Variants in PTPRZ1 observed in about 807,000 individuals in gnomAD.
PTPRZ1 encodes the protein receptor-type tyrosine-protein phosphatase zeta.
A neutral mutation model predicts 214.1 loss-of-function variants in PTPRZ1; 82 were observed. The ratio of observed to expected loss-of-function variants is 0.38; its 90% confidence interval spans 0.32 to 0.46. The LOEUF is 0.46. PTPRZ1 is among the 20% of genes least tolerant of loss of function. The pLI, the probability that PTPRZ1 is intolerant of heterozygous loss-of-function variation, is 1.00. For synonymous variants in PTPRZ1, 945 were observed against 987.9 expected, an observed-to-expected ratio of 0.96 and a Z score of 0.81; for missense variants, 2,603 against 2,748.7, an observed-to-expected ratio of 0.95 and a Z score of 1.19.
chr7:121,958,234 ATG>A (rs1796771354), intron 2 of PTPRZ1, among the ~76,000 whole-genome samples: 1 of 152,202 alleles, frequency 6.6e-6, no homozygotes, highest in Non-Finnish European at 1.5e-5. Context: ...TATTCTATGA[ATG>A]TGGGGTTTGG....
Position 121,926,108 on chromosome 7 carries a change from G to T in PTPRZ1, c.59-2048G>T, listed in dbSNP as rs546374030. On this transcript the variant is annotated intron_variant, in intron 1 of 29. Transcript: ENST00000393386. ...TCACGAGGTCTGGAGTTCGAGACCA[G>T]CCTGACCAACATAGTGAAACCCCGT... Among the ~76,000 whole-genome samples the T allele has an allele frequency of 1.0e-3, 158 of 152,232 alleles. 1 individual carries two copies. The highest frequency in any genetic ancestry group is 1.9e-3 in the South Asian group (9 of 4,814).
chr7:121,984,093 G>T lies in PTPRZ1; in HGVS notation c.904G>T (p.Gly302Ter). 1 of 1,612,614 alleles carries T rather than the reference G, an allele frequency of 6.2e-7. No homozygotes were observed. Among genetic ancestry groups the T allele is most frequent in the Non-Finnish European group, 8.5e-7 (1 of 1,179,382 alleles). The change falls in exon 8 of 30, where the codon GGA becomes TGA. Residue 302 changes from glycine (G) to a stop codon, truncating the protein, a stop_gained. Coordinates refer to ENST00000393386, the MANE Select transcript of PTPRZ1 (RefSeq NM_002851.3). LOFTEE classifies it high-confidence loss of function. ...FSRQVFSSYT[G>*]KEEIHEAVCS... is the part of the protein sequence containing the mutation. ...TAGACAGGTGTTTTCCTCATACACT[G>T]GAAAGGAAGAGATTCATGAAGCAGG...
chr7:121,940,464 A>C (rs58085010), intron 2 of PTPRZ1, among the ~76,000 whole-genome samples: 10,040 of 152,068 alleles, frequency 0.066, 599 homozygotes, highest in African/African-American at 0.16. Flanking sequence ...TTCTTTTGTT[A>C]GTTTGTCTGA....
Position 122,000,646 on chromosome 7 carries a change from C to CAT in PTPRZ1, c.1240+2695_1240+2696dup, listed in dbSNP as rs60953788. ...ATTGCTGTCATTCTTTGATAGATTT[C>CAT]ATATATATATATATATATATATATA... On this transcript the variant is annotated intron_variant, in intron 10 of 29. Transcript: ENST00000393386. Among the ~76,000 whole-genome samples, 376 of 51,514 alleles carry CAT rather than the reference C, an allele frequency of 7.3e-3. 5 individuals carry two copies. Among genetic ancestry groups the CAT allele is most frequent in the Non-Finnish European group, 8.0e-3 (242 of 30,272 alleles). 33.8% of individuals were successfully genotyped at this position (51,514 alleles called of 152,430 possible). A position where few individuals can be genotyped will look rare whatever the true frequency, so the allele number is the denominator to read the frequency against.
At chr7:121,906,173 A>G (rs1795109566) in intron 1 of PTPRZ1, among the ~76,000 whole-genome samples, 1 of 152,146 alleles carries the variant, frequency 6.6e-6, no homozygotes, top group Non-Finnish European at 1.5e-5. Flanking sequence ...AAAGGTCTCT[A>G]CCTCCATTTA....
At chr7:121,946,033 G>A (rs1796362437) in intron 2 of PTPRZ1, among the ~76,000 whole-genome samples, 2 of 152,192 alleles carry the variant, frequency 1.3e-5, no homozygotes, top group Non-Finnish European at 2.9e-5. Context: ...CACCCACACT[G>A]TATATAGTAT....
In PTPRZ1 at chr7:122,013,402, G is replaced by C. The variant is rs762519725; in HGVS notation, c.4356G>C (p.Gln1452His). Residue 1452 changes from glutamine to histidine, a missense_variant, in exon 12 of 30, where the codon CAG (glutamine) becomes CAC (histidine). Transcript: ENST00000393386. ...CATGCTCATCCTATAGAGAATCACA[G>C]GAAAAGGTAATGAATGATTCAGACA... ...CMSCSSYRES[Q>H]EKVMNDSDTH... 1 of 1,614,160 alleles carries C rather than the reference G, an allele frequency of 6.2e-7. No homozygotes were observed. Among genetic ancestry groups the C allele is most frequent in the Non-Finnish European group, 8.5e-7 (1 of 1,180,038 alleles).
At chr7:122,007,298 C>A (rs1798522193) in intron 11 of PTPRZ1, among the ~76,000 whole-genome samples, 1 of 152,080 alleles carries the variant, frequency 6.6e-6, no homozygotes, top group Non-Finnish European at 1.5e-5. Flanking sequence ...AGCTCTAATT[C>A]TTTGAGCTGG....
At chr7:121,970,462 T>A (rs1797203228) in intron 3 of PTPRZ1, among the ~76,000 whole-genome samples, 1 of 152,142 alleles carries the variant, frequency 6.6e-6, no homozygotes, top group Non-Finnish European at 1.5e-5. Flanking sequence ...CTCCAGCACC[T>A]GTTGTTTCCT....
chr7:121,890,117 C>T (rs764874871), intron 1 of PTPRZ1, among the ~76,000 whole-genome samples: 1 of 152,150 alleles, frequency 6.6e-6, no homozygotes, highest in Non-Finnish European at 1.5e-5. Context: ...ATTGATAACT[C>T]CCAAATTTGT....
intron 1 of PTPRZ1, chr7:121,908,547 G>A (rs1479723364): frequency 5.9e-6 from 2 of 337,368 alleles, no homozygotes; most frequent in Non-Finnish European, 1.1e-5. Context: ...TCATACTCCA[G>A]TCTTACAGGT....
At chr7:121,972,447 T>G in intron 3 of PTPRZ1, 94 bp from the exon 4 acceptor site, 3 of 1,244,542 alleles carry the variant, frequency 2.4e-6, no homozygotes, top group Non-Finnish European at 3.3e-6. Context: ...AAATAAATGA[T>G]TTTTCTTAAT....
intron 27 of PTPRZ1, 110 bp downstream of exon 27, chr7:122,055,197 A>G: frequency 4.6e-6 from 4 of 866,558 alleles, no homozygotes; most frequent in Non-Finnish European, 6.5e-6. Flanking sequence ...TTTTTTCCCC[A>G]TTGAGACAAA....
chr7:121,875,081 T>G (rs1794011987), intron 1 of PTPRZ1, among the ~76,000 whole-genome samples: 1 of 152,080 alleles, frequency 6.6e-6, no homozygotes, highest in Admixed American at 6.6e-5. Context: ...ATTATACAAT[T>G]CATCTTTTTA....
At chr7:121,895,639 A>G (rs532415829) in intron 1 of PTPRZ1, among the ~76,000 whole-genome samples, 1 of 152,350 alleles carries the variant, frequency 6.6e-6, no homozygotes, top group East Asian at 1.9e-4. Flanking sequence ...CACACTAGAA[A>G]TAAAGATCTC....
At chr7:121,951,951 A>ATTTTTTTTTTTT (rs1273271925) in intron 2 of PTPRZ1, among the ~76,000 whole-genome samples, 2 of 50,504 alleles carry the variant, frequency 4.0e-5, no homozygotes, top group Non-Finnish European at 5.1e-5. Flanking sequence ...ATGCGAGTGT[A>ATTTTTTTTTTTT]TTTATTTATT....
chr7:121,921,434 G>C (rs923612065), intron 1 of PTPRZ1, among the ~76,000 whole-genome samples: 3 of 152,172 alleles, frequency 2.0e-5, no homozygotes, highest in African/African-American at 7.2e-5. Context: ...GCATATGTAA[G>C]AAATGACTCC....
At chr7:121,979,816 G>A (rs752755990) in intron 6 of PTPRZ1, among the ~76,000 whole-genome samples, 1 of 151,984 alleles carries the variant, frequency 6.6e-6, no homozygotes, top group Non-Finnish European at 1.5e-5. Flanking sequence ...TTTTTCTCAA[G>A]CCAACAAAAC....
chr7:121,930,704 G>A lies in PTPRZ1; in HGVS notation c.124+2483G>A, dbSNP rs190156148. Among the ~76,000 whole-genome samples the A allele has an allele frequency of 2.4e-3, 367 of 152,022 alleles. 3 individuals carry two copies. The highest frequency in any genetic ancestry group is 8.5e-3 in the African/African-American group (351 of 41,474). On this transcript the variant is annotated intron_variant, in intron 2 of 29. Transcript: ENST00000393386. ...TGTTTTTGTATGTACTACCAATTGG[G>A]TATATGTTTATTAAATAATGTAGTA...
Sources: allele counts gnomAD v4.1 joint callset (sites outside exome capture counted in the v4.1 genomes callset), GRCh38; gene constraint gnomAD v4.1.1; transcripts MANE v1.5; gene names NCBI Gene and HGNC (gene_info 2026-07-23, HGNC 2026-07-21).